The following ENTPD5 variants were observed in gnomAD, a reference collection of about 807,000 sequenced individuals.
ENTPD5 encodes the protein ectonucleoside triphosphate diphosphohydrolase 5 (inactive), also known as nucleoside diphosphate phosphatase ENTPD5.
A neutral mutation model predicts 60.2 loss-of-function variants in ENTPD5; 49 were observed. The observed-to-expected ratio is 0.81, with a 90% CI of 0.65 to 1.03. The LOEUF (loss-of-function observed/expected upper bound fraction) is 1.03. Among genes scored for constraint, ENTPD5 ranks in the 50% least tolerant of loss-of-function variants. The probability of loss-of-function intolerance (pLI) is 0.00; values close to 1 mark genes in which losing one functional copy is unlikely to be tolerated. For synonymous variants in ENTPD5, 187 were observed against 185.4 expected, an observed-to-expected ratio of 1.01 and a Z score of -0.07; for missense variants, 480 against 507.6, an observed-to-expected ratio of 0.95 and a Z score of 0.52.
intron 6 of ENTPD5, among the ~76,000 whole-genome samples, chr14:73,982,075 T>C (rs1247201329): frequency 6.6e-6 from 1 of 152,134 alleles, no homozygotes; most frequent in Non-Finnish European, 1.5e-5. Flanking sequence ...TATATAATTT[T>C]TTGTTTGTTT....
chr14:73,999,289 A>T (rs2058431345), intron 3 of ENTPD5, among the ~76,000 whole-genome samples: 1 of 149,462 alleles, frequency 6.7e-6, no homozygotes, highest in African/African-American at 2.5e-5. Flanking sequence ...GGAGTTCGTG[A>T]CCAGCCTGGC....
intron 6 of ENTPD5, among the ~76,000 whole-genome samples, chr14:73,979,426 T>C (rs1221903391): frequency 6.6e-6 from 1 of 152,060 alleles, no homozygotes; most frequent in African/African-American, 2.4e-5. Context: ...GGTTCCCTGC[T>C]GAATGTATTC....
intron 4 of ENTPD5, among the ~76,000 whole-genome samples, chr14:73,987,648 G>A (rs535272950): frequency 3.3e-5 from 5 of 151,784 alleles, no homozygotes; most frequent in African/African-American, 7.2e-5. Flanking sequence ...ACTACAGACC[G>A]GGCAACAAAG....
intron 3 of ENTPD5, among the ~76,000 whole-genome samples, chr14:74,006,181 C>CG (rs773869410): frequency 2.0e-5 from 3 of 151,534 alleles, no homozygotes; most frequent in Non-Finnish European, 4.4e-5. Flanking sequence ...AGAGACAAAG[C>CG]GGGGTTTCTC....
chr14:73,959,630 C>T (rs767302141), downstream of ENTPD5: 271 of 1,566,990 alleles, frequency 1.7e-4, 1 homozygote, highest in African/African-American at 1.2e-4. Context: ...CGCAGTGGCG[C>T]GATCTTGGCT....
chr14:74,004,315 C>A (rs1420196599), intron 3 of ENTPD5, among the ~76,000 whole-genome samples: 1 of 151,902 alleles, frequency 6.6e-6, no homozygotes, highest in African/African-American at 2.4e-5. Context: ...CTACAGGCAC[C>A]CCCCACCACA....
At chr14:73,997,239 A>C (rs2058366185) in intron 3 of ENTPD5, among the ~76,000 whole-genome samples, 1 of 152,158 alleles carries the variant, frequency 6.6e-6, no homozygotes, top group Non-Finnish European at 1.5e-5. Context: ...GTGAGGGAAA[A>C]TGGCTCTGGA....
chr14:73,955,665 C>A (rs1292765520), downstream of ENTPD5: 30 of 1,441,732 alleles, frequency 2.1e-5, no homozygotes, highest in Non-Finnish European at 2.6e-5. Flanking sequence ...GGAGAATTTT[C>A]TTCTCATTTT....
At chr14:74,003,670 G>A (rs190702967) in intron 3 of ENTPD5, among the ~76,000 whole-genome samples, 1 of 152,198 alleles carries the variant, frequency 6.6e-6, no homozygotes, top group East Asian at 1.9e-4. Flanking sequence ...GCCCATGTTG[G>A]TCCTCTGCCC....
chr14:73,969,926 A>C (rs1293397211), intron 15 of ENTPD5, 84 bp downstream of exon 15: 1 of 944,876 alleles, frequency 1.1e-6, no homozygotes, highest in Admixed American at 1.8e-5. Flanking sequence ...ACTTCTAGCT[A>C]CTCTGATTAC....
At chr14:74,000,996 G>A (rs925522949) in intron 3 of ENTPD5, among the ~76,000 whole-genome samples, 20 of 152,124 alleles carry the variant, frequency 1.3e-4, no homozygotes. Flanking sequence ...TGAGGAAAGA[G>A]GGTCACTTCA....
rs1566714121 is a variant in ENTPD5 at position 73,972,931 on chromosome 14, T to C, written c.980A>G (p.Tyr327Cys). Residue 327 changes from tyrosine (Y) to cysteine (C), a missense_variant, in exon 13 of 16, where the codon TAT (tyrosine) becomes TGT (cysteine). Transcript: ENST00000334696. ...QPEEVQRGSF[Y>C]AFSYYYDRAV... ...TCGGTCATAATAGTAAGAGAAAGCA[T>C]AGAAGGAACCTCTCTGGACCTCCTC... 9.9e-6 allele frequency: 16 copies of C among 1,614,196 alleles called. No homozygotes were observed. The highest frequency in any genetic ancestry group is 1.4e-5 in the Non-Finnish European group (16 of 1,180,034).
chr14:73,970,568 G>A (rs2057180513), intron 14 of ENTPD5, among the ~76,000 whole-genome samples: 1 of 152,094 alleles, frequency 6.6e-6, no homozygotes, highest in Non-Finnish European at 1.5e-5. Context: ...GCATCTCAGA[G>A]ACTAGACTGC....
At chr14:73,989,631 C>G (rs561447895) in intron 3 of ENTPD5, among the ~76,000 whole-genome samples, 1 of 150,338 alleles carries the variant, frequency 6.7e-6, no homozygotes, top group Non-Finnish European at 1.5e-5. Context: ...GTCAGGAGTT[C>G]AAGACCAGCC....
In ENTPD5 at chr14:73,965,801, A is replaced by G. The variant is rs1246858813; in HGVS notation, c.*1127T>C. 1.3e-5 allele frequency: 2 copies of G among 152,264 alleles called. No individual in the cohort carries two copies. Among genetic ancestry groups the G allele is most frequent in the Admixed American group, 1.3e-4 (2 of 15,270 alleles). The allele number at this position is 152,264 out of a possible 1,614,324, so 9.4% of individuals were successfully genotyped here. A position where few individuals can be genotyped will look rare whatever the true frequency, so the allele number is the denominator to read the frequency against. On this transcript the variant is annotated 3_prime_UTR_variant, in exon 16 of 16. Coordinates refer to ENST00000334696, the MANE Select transcript of ENTPD5 (RefSeq NM_001249.5). ...GAGCACTTGGATTCAAAAAGAGAGC[A>G]TGAGGGACATTAAATATGGTTCTCC...
chr14:73,964,832 A>G lies in ENTPD5; in HGVS notation c.*2096T>C, dbSNP rs1470942788. 2.0e-5 allele frequency: 3 copies of G among 152,084 alleles called. No individual in the cohort carries two copies. Among genetic ancestry groups the G allele is most frequent in the Non-Finnish European group, 4.4e-5 (3 of 68,004 alleles). 9.4% of individuals were successfully genotyped at this position (152,084 alleles called of 1,614,324 possible). A position where few individuals can be genotyped will look rare whatever the true frequency, so the allele number is the denominator to read the frequency against. ...GAGCAGAACTAAGACCACTTAGAAG[A>G]TAGGTAGATTTCAGCTCAATATAAG... On this transcript the variant is annotated 3_prime_UTR_variant, in exon 16 of 16. Transcript: ENST00000334696.
downstream of ENTPD5, chr14:73,959,610 C>T (rs1161552486): frequency 1.9e-6 from 3 of 1,599,136 alleles, no homozygotes; most frequent in African/African-American, 4.0e-5. Flanking sequence ...GGATCCTTGC[C>T]AGGCTGGAGC....
At chr14:74,017,148 G>A (rs916160347) in intron 1 of ENTPD5, among the ~76,000 whole-genome samples, 12 of 152,110 alleles carry the variant, frequency 7.9e-5, no homozygotes, top group African/African-American at 1.7e-4. Flanking sequence ...GAGAAACCCC[G>A]TGTCTACTAA....
chr14:74,018,714 C>T (rs1412515578), intron 1 of ENTPD5: 1 of 152,204 alleles, frequency 6.6e-6, no homozygotes, highest in African/African-American at 2.4e-5. Context: ...GACCCTGCTC[C>T]CGACCTCGGT....
Sources: allele counts gnomAD v4.1 joint callset (sites outside exome capture counted in the v4.1 genomes callset), GRCh38; gene constraint gnomAD v4.1.1; transcripts MANE v1.5; gene names NCBI Gene and HGNC (gene_info 2026-07-23, HGNC 2026-07-21).